Variants in TNFAIP2 observed in about 807,000 individuals in gnomAD.
TNFAIP2 encodes the protein tumor necrosis factor alpha-induced protein 2.
TNFAIP2 carries 47 observed loss-of-function variants against 63.5 expected under a neutral mutation model. The ratio of observed to expected loss-of-function variants is 0.74; its 90% CI spans 0.59 to 0.94. The LOEUF (loss-of-function observed/expected upper bound fraction) is 0.94, where lower values mean the gene tolerates loss of function less well. Ranked by LOEUF, TNFAIP2 falls within the 40% of genes least tolerant of loss-of-function variation. TNFAIP2 has a pLI of 0.00. For synonymous variants in TNFAIP2, 405 were observed against 390.2 expected (o/e 1.04, Z -0.45); for missense variants, 787 against 850.2 (o/e 0.93, Z 0.92).
Position 103,131,555 on chromosome 14 carries a change from G to A in TNFAIP2, c.1299-84G>A. ...GGGGAGCCATTGAGGGTTCTAGAGT[G>A]AAGAGAGGGGGCTGTCTGGCTCCCT... On this transcript the variant is annotated intron_variant, in intron 7 of 11. Transcript: ENST00000560869. This position sits in a 1 kb window ranked among gnomAD's most constrained non-coding sequence, Gnocchi z 4.0. 2 of 1,478,548 alleles carry A rather than the reference G, an allele frequency of 1.4e-6. No homozygotes were observed. The highest frequency in any genetic ancestry group is 9.0e-7 in the Non-Finnish European group (1 of 1,112,600). The allele number at this position is 1,478,548 out of a possible 1,614,324, so 91.6% of individuals were successfully genotyped here. A position where few individuals can be genotyped will look rare whatever the true frequency, so the allele number is the denominator to read the frequency against.
rs1337060173 is a variant in TNFAIP2, at chr14:103,131,937, C to T, written c.1422+175C>T. Among the ~76,000 whole-genome samples, 1 of 151,884 alleles carries T rather than the reference C, an allele frequency of 6.6e-6. No individual in the cohort carries two copies. Among genetic ancestry groups the T allele is most frequent in the Non-Finnish European group, 1.5e-5 (1 of 67,918 alleles). On this transcript the variant is annotated intron_variant, in intron 8 of 11. Transcript: ENST00000560869. The surrounding 1 kb of genome is among the most constrained non-coding windows in gnomAD (Gnocchi z 4.0). ...CAGCGGTGATGCCCGGTTGGGGACCCTAGCAGGCTCTGAACTCCGCCGATC... is the reference window on the plus strand; with the variant it reads ...CAGCGGTGATGCCCGGTTGGGGACCTTAGCAGGCTCTGAACTCCGCCGATC...
At chr14:103,133,869 A>T in intron 11 of TNFAIP2, 66 bp downstream of exon 11, 18 of 1,520,332 alleles carry the variant, frequency 1.2e-5, no homozygotes, top group Non-Finnish European at 1.6e-5. Flanking sequence ...CAGGGCTGGC[A>T]TTGGGAACCC....
chr14:103,124,346 C>T (rs12435860), intron 1 of TNFAIP2: 26 of 152,398 alleles, frequency 1.7e-4, no homozygotes, highest in African/African-American at 4.6e-4. Context: ...GAGCCCACAC[C>T]GAAAGCGTTT....
Position 103,131,150 on chromosome 14 carries a change from G to A in TNFAIP2, c.1298G>A (p.Arg433Gln), listed in dbSNP as rs1319459758. Reference protein sequence around the residue: ...IANINNCLSFRMSMEQNWQVP... With the variant: ...IANINNCLSFQMSMEQNWQVP... ...AACATCAACAACTGCCTGTCCTTCC[G>A]GTGAGAGTGTTGGGAGGGGCTTGCG... is the stretch of plus-strand genomic sequence containing the variant. Residue 433 changes from arginine (R) to glutamine (Q), a missense_variant and splice_region_variant, in exon 7 of 12, where the codon CGG (arginine) becomes CAG (glutamine). Around this residue, in one of 3 missense-constraint regions of TNFAIP2, gnomAD observed 523 missense variants for 604.1 expected, o/e 0.87. Transcript: ENST00000560869. The surrounding 1 kb of genome is among the most constrained non-coding windows in gnomAD (Gnocchi z 4.0). The A allele has an allele frequency of 4.3e-6, 7 of 1,614,074 alleles. No homozygotes were observed. The highest frequency in any genetic ancestry group is 3.3e-5 in the South Asian group (3 of 91,086).
In TNFAIP2 at chr14:103,126,607, G is replaced by A. The variant is rs142147196; in HGVS notation, c.150G>A (p.Gly50=). 2.1e-5 allele frequency: 33 copies of A among 1,553,376 alleles called. No individual in the cohort carries two copies. Among genetic ancestry groups the A allele is most frequent in the Non-Finnish European group, 4.4e-6 (5 of 1,148,294 alleles). Residue 50 remains glycine, a synonymous_variant, in exon 2 of 12, where the codon GGG becomes GGA. Transcript: ENST00000560869. ...ATGTGTTCTGCGTCTTCACCAAAGG[G>A]AAGAAGAAGAAGGGTCAGCCCAGCT... ...LANVFCVFTK[G]KKKKGQPSSA...
In TNFAIP2 at chr14:103,127,138, CA is replaced by C; in HGVS notation, c.371del (p.Lys124ArgfsTer101). On this transcript the variant is annotated frameshift_variant, in exon 3 of 12. Coordinates refer to ENST00000560869, the MANE Select transcript of TNFAIP2 (RefSeq NM_006291.4). LOFTEE classifies it high-confidence loss of function. The surrounding 1 kb of genome is among the most constrained non-coding windows in gnomAD (Gnocchi z 5.1). ...SEEELVRRQSKVEALYELLRD... is the reference protein window; with the variant it reads ...SEEELVRRQSXVEALYELLRD... ...AGGAGGAGCTGGTGCGGCGCCAGAG[CA>C]AGGTGGAGGCGCTGTACGAGCTGCT... 1 of 1,103,086 alleles carries C rather than the reference CA, an allele frequency of 9.1e-7. No homozygotes were observed. The highest frequency in any genetic ancestry group is 3.3e-5 in the South Asian group (1 of 30,382). The allele number at this position is 1,103,086 out of a possible 1,614,324, so 68.3% of individuals were successfully genotyped here.
upstream of TNFAIP2, among the ~76,000 whole-genome samples, chr14:103,121,858 C>A (rs1298834195): frequency 1.3e-5 from 2 of 149,094 alleles, no homozygotes; most frequent in African/African-American, 5.0e-5. Flanking sequence ...GAGCAATTTC[C>A]CGATCTGCTT....
rs1266783971 is a variant in TNFAIP2, at chr14:103,130,307, C to T, written c.1099-8C>T. 2.6e-6 allele frequency: 4 copies of T among 1,553,176 alleles called. No individual in the cohort carries two copies. Among genetic ancestry groups the T allele is most frequent in the Non-Finnish European group, 3.5e-6 (4 of 1,147,924 alleles). On this transcript the variant is annotated splice_polypyrimidine_tract_variant and splice_region_variant and intron_variant, in intron 5 of 11. Coordinates refer to ENST00000560869, the MANE Select transcript of TNFAIP2 (RefSeq NM_006291.4). Reference sequence around the variant, plus strand: ...CCCCTGCTCAGCTCACCCACCACCACCCTGCAGATCACCTCCCAGGCCCAG... The same window carrying T: ...CCCCTGCTCAGCTCACCCACCACCATCCTGCAGATCACCTCCCAGGCCCAG...
Position 103,133,015 on chromosome 14 carries a change from C to T in TNFAIP2, c.1545+143C>T, listed in dbSNP as rs997578140. 5.3e-5 allele frequency: 73 copies of T among 1,368,918 alleles called. No individual in the cohort carries two copies. The Admixed American group carries it at 5.5e-4, about 10-fold the overall frequency. 84.8% of individuals were successfully genotyped at this position (1,368,918 alleles called of 1,614,324 possible). ...ACGTGAATGCACGAGCATGTGAACACGTGCACATGTGAACACACGTGAAGG... is the reference window on the plus strand; with the variant it reads ...ACGTGAATGCACGAGCATGTGAACATGTGCACATGTGAACACACGTGAAGG... On this transcript the variant is annotated intron_variant, in intron 9 of 11. Transcript: ENST00000560869.
upstream of TNFAIP2, among the ~76,000 whole-genome samples, chr14:103,122,316 G>T (rs759344026): frequency 3.5e-4 from 54 of 152,170 alleles, no homozygotes; most frequent in Non-Finnish European, 6.6e-4. Flanking sequence ...CCCCCACTCC[G>T]CTGGCCCCCC....
Position 103,126,452 on chromosome 14 carries a change from GC to G in TNFAIP2, c.-4del, listed in dbSNP as rs1193975567. Reference sequence around the variant, plus strand: ...GTCCACATCAGAGGCAGAGTCAGAGGCCTCCATGTCGGAGGCCTCCTCTGAG... The same window carrying G: ...GTCCACATCAGAGGCAGAGTCAGAGGCTCCATGTCGGAGGCCTCCTCTGAG... On this transcript the variant is annotated 5_prime_UTR_variant, in exon 2 of 12. Transcript: ENST00000560869. The G allele has an allele frequency of 6.4e-7, 1 of 1,573,812 alleles. No individual in the cohort carries two copies.
rs2087882021 is a variant in TNFAIP2 at position 103,127,412 on chromosome 14, A to G, written c.643A>G (p.Ser215Gly). Residue 215 changes from serine to glycine, a missense_variant, in exon 3 of 12, where the codon AGC (serine) becomes GGC (glycine). Ser to Gly is a moderately conservative substitution (Grantham distance 56, BLOSUM62 0). Coordinates refer to ENST00000560869, the MANE Select transcript of TNFAIP2 (RefSeq NM_006291.4). The surrounding 1 kb of genome is among the most constrained non-coding windows in gnomAD (Gnocchi z 5.1). ...RPAAGAEVPE[S>G]VFLHLGRTMK... ...GGCCGCGGGCGCCGAGGTCCCCGAG[A>G]GCGTCTTTCTGCACTTGGGCCGCAC... 2 of 1,568,566 alleles carry G rather than the reference A, an allele frequency of 1.3e-6. No individual in the cohort carries two copies. Among genetic ancestry groups the G allele is most frequent in the Admixed American group, 1.8e-5 (1 of 54,746 alleles).
At position 103,130,420 on chromosome 14, in the gene TNFAIP2, G is replaced by A; in HGVS notation, c.1199+5G>A. Reference sequence around the variant, plus strand: ...GCTGCCTGCGTTCCTGAGGAGGTGGGTGTGTGCCCAGGATGGGGTCCCTGT... The same window carrying A: ...GCTGCCTGCGTTCCTGAGGAGGTGGATGTGTGCCCAGGATGGGGTCCCTGT... On this transcript the variant is annotated splice_donor_5th_base_variant and intron_variant, in intron 6 of 11. Coordinates refer to ENST00000560869, the MANE Select transcript of TNFAIP2 (RefSeq NM_006291.4). 5 of 1,556,538 alleles carry A rather than the reference G, an allele frequency of 3.2e-6. No homozygotes were observed. Among genetic ancestry groups the A allele is most frequent in the Non-Finnish European group, 4.3e-6 (5 of 1,150,260 alleles).
At chr14:103,121,811 G>A (rs1413846262), upstream of TNFAIP2, among the ~76,000 whole-genome samples, 2 of 151,278 alleles carry the variant, frequency 1.3e-5, no homozygotes, top group African/African-American at 2.4e-5. Context: ...TGGGGCCTAA[G>A]GCCTGACAAC....
At chr14:103,132,163 C>T (rs1303465684) in intron 8 of TNFAIP2, among the ~76,000 whole-genome samples, 1 of 152,164 alleles carries the variant, frequency 6.6e-6, no homozygotes, top group African/African-American at 2.4e-5. Context: ...CCCTCCTATC[C>T]ACCCCCATCC....
At chr14:103,129,224 G>A (rs1303611493) in intron 3 of TNFAIP2, among the ~76,000 whole-genome samples, 2 of 152,248 alleles carry the variant, frequency 1.3e-5, no homozygotes, top group African/African-American at 4.8e-5. Context: ...CTGCAGGGCT[G>A]GAGCGCAGTG....
At chr14:103,130,190 T>C in intron 5 of TNFAIP2, 66 bp downstream of exon 5, 1 of 1,577,548 alleles carries the variant, frequency 6.3e-7, no homozygotes, top group Admixed American at 1.7e-5. Context: ...CCACGCACAT[T>C]CCGTCCTGTG....
In TNFAIP2 at chr14:103,136,089, C is replaced by T. The variant is rs2088090141; in HGVS notation, c.*729C>T. 7.0e-6 allele frequency: 8 copies of T among 1,134,788 alleles called. No homozygotes were observed. In the South Asian group the frequency reaches 1.2e-4, roughly 17 times the overall value. The allele number at this position is 1,134,788 out of a possible 1,614,324, so 70.3% of individuals were successfully genotyped here. A position where few individuals can be genotyped will look rare whatever the true frequency, so the allele number is the denominator to read the frequency against. ...CTACTACCGAAGGGCCCAAGACCTC[C>T]TGGGTCCTCTCAGGCTCCCCCTTCC... On this transcript the variant is annotated 3_prime_UTR_variant, in exon 12 of 12. Coordinates refer to ENST00000560869, the MANE Select transcript of TNFAIP2 (RefSeq NM_006291.4).
In TNFAIP2 at chr14:103,135,941, A is replaced by G. The variant is rs710100; in HGVS notation, c.*581A>G. 0.66 allele frequency: 852,909 copies of G among 1,289,572 alleles called. 284,839 individuals are homozygous for G. Among genetic ancestry groups the G allele is most frequent in the South Asian group, 0.68 (55,213 of 81,032 alleles). The allele number at this position is 1,289,572 out of a possible 1,614,324, so 79.9% of individuals were successfully genotyped here. On this transcript the variant is annotated 3_prime_UTR_variant, in exon 12 of 12. Transcript: ENST00000560869. The surrounding 1 kb of genome is among the most constrained non-coding windows in gnomAD (Gnocchi z 7.6). ...GTGGCGAGCTGTGAGCACCGCCAGC[A>G]TTAGACGTCACATCCAGGTGGCCCC...
Sources: allele counts gnomAD v4.1 joint callset (sites outside exome capture counted in the v4.1 genomes callset), GRCh38; gene constraint gnomAD v4.1.1; regional missense constraint gnomAD v4.1.1; non-coding constraint Gnocchi (gnomAD v3.1); transcripts MANE v1.5; gene names NCBI Gene and HGNC (gene_info 2026-07-23, HGNC 2026-07-21).